Variants in STAC observed in about 807,000 individuals in gnomAD.
The protein encoded by STAC is SH3 and cysteine rich domain, also known as SH3 and cysteine-rich domain-containing protein.
STAC carries 43 observed loss-of-function variants against 48.8 expected under a neutral mutation model. The ratio of observed to expected loss-of-function variants is 0.88; its 90% CI spans 0.69 to 1.14. The LOEUF (loss-of-function observed/expected upper bound fraction) is 1.14. STAC is among the 50% of genes most tolerant of loss of function. The pLI is 0.00. For missense variants in STAC, 497 were observed against 504.0 expected, an observed-to-expected ratio of 0.99 and a Z score of 0.13; for synonymous variants, 193 against 179.5, an observed-to-expected ratio of 1.07 and a Z score of -0.60.
intron 2 of STAC, among the ~76,000 whole-genome samples, chr3:36,460,804 T>A (rs1441820576): frequency 6.6e-6 from 1 of 152,228 alleles, no homozygotes; most frequent in Non-Finnish European, 1.5e-5. Context: ...ATTTACAGAT[T>A]CAATGCAATC....
chr3:36,390,451 CTTT>C (rs59589769), intron 1 of STAC, among the ~76,000 whole-genome samples: 392 of 80,838 alleles, frequency 4.8e-3, no homozygotes, highest in African/African-American at 0.014. Flanking sequence ...TTTTTCTTTT[CTTT>C]TTTTTTTTTT....
At chr3:36,426,540 T>C (rs760272707) in intron 1 of STAC, among the ~76,000 whole-genome samples, 2 of 152,246 alleles carry the variant, frequency 1.3e-5, no homozygotes, top group African/African-American at 4.8e-5. Flanking sequence ...CAAAGTATTC[T>C]GCATATAAAT....
At chr3:36,440,003 A>C (rs1309464671) in intron 1 of STAC, among the ~76,000 whole-genome samples, 1 of 152,224 alleles carries the variant, frequency 6.6e-6, no homozygotes, top group African/African-American at 2.4e-5. Flanking sequence ...GGCAGAGGGA[A>C]AGGGACAAAA....
chr3:36,507,243 A>G (rs980373990), intron 8 of STAC, among the ~76,000 whole-genome samples: 1 of 152,126 alleles, frequency 6.6e-6, no homozygotes, highest in Admixed American at 6.6e-5. Flanking sequence ...TGTATATTGA[A>G]ACAGCCTTGC....
At chr3:36,543,014 G>T (rs978873805) in intron 10 of STAC, among the ~76,000 whole-genome samples, 20 of 152,144 alleles carry the variant, frequency 1.3e-4, no homozygotes, top group African/African-American at 4.8e-4. Context: ...AAACATTTCT[G>T]CTAGGGAGAT....
In STAC at chr3:36,516,402, G is replaced by T. The variant is rs57869177; in HGVS notation, c.920+10568G>T. On this transcript the variant is annotated intron_variant, in intron 8 of 10. Transcript: ENST00000273183. ...GTGAGTGAATACTTTTCTTAGAAGT[G>T]CCATGGACCCATCATTAGTCTCCAA... Among the ~76,000 whole-genome samples the T allele has an allele frequency of 2.5e-3, 384 of 152,166 alleles. 1 individual carries two copies. Among genetic ancestry groups the T allele is most frequent in the African/African-American group, 8.9e-3 (370 of 41,524 alleles).
intron 2 of STAC, among the ~76,000 whole-genome samples, chr3:36,472,767 T>TC (rs1697376204): frequency 6.6e-6 from 1 of 152,230 alleles, no homozygotes; most frequent in Non-Finnish European, 1.5e-5. Flanking sequence ...GATCTTATTA[T>TC]CCATATCGCT....
At chr3:36,476,383 T>C (rs1697494084) in intron 2 of STAC, among the ~76,000 whole-genome samples, 1 of 151,958 alleles carries the variant, frequency 6.6e-6, no homozygotes, top group Admixed American at 6.6e-5. Flanking sequence ...TTAGAGGTGG[T>C]TCATAGAAAG....
intron 1 of STAC, among the ~76,000 whole-genome samples, chr3:36,398,402 G>GAA: frequency 6.0e-5 from 8 of 132,436 alleles, no homozygotes; most frequent in Non-Finnish European, 9.6e-5. Context: ...GAGAGGTAAA[G>GAA]AGAAAGAGAG....
At chr3:36,414,407 C>G (rs893257254) in intron 1 of STAC, among the ~76,000 whole-genome samples, 1 of 152,110 alleles carries the variant, frequency 6.6e-6, no homozygotes, top group African/African-American at 2.4e-5. Context: ...CTTATCTTCT[C>G]GCTTCATTTC....
chr3:36,542,543 T>C (rs1010950482), intron 10 of STAC, among the ~76,000 whole-genome samples: 1 of 152,222 alleles, frequency 6.6e-6, no homozygotes, highest in African/African-American at 2.4e-5. Flanking sequence ...TTTCTGATTC[T>C]AGTCTTATTT....
At chr3:36,459,793 G>T (rs13060288) in intron 2 of STAC, among the ~76,000 whole-genome samples, 18,395 of 152,158 alleles carry the variant, frequency 0.12, 1,310 homozygotes, top group East Asian at 0.31. Context: ...TGATGAAAGA[G>T]GGGGAGAATA....
chr3:36,421,247 A>G (rs866984111), intron 1 of STAC, among the ~76,000 whole-genome samples: 2 of 152,320 alleles, frequency 1.3e-5, no homozygotes, highest in African/African-American at 4.8e-5. Context: ...GATACATTCA[A>G]CTGTTTACAA....
At chr3:36,542,067 G>C (rs1309235402) in intron 10 of STAC, among the ~76,000 whole-genome samples, 1 of 151,910 alleles carries the variant, frequency 6.6e-6, no homozygotes, top group Non-Finnish European at 1.5e-5. Context: ...GGGAAAGGAG[G>C]AAAGTCAAGG....
intron 1 of STAC, among the ~76,000 whole-genome samples, chr3:36,398,673 GAAAGAAAGAAAGAAAGA>G (rs1348171031): frequency 1.5e-4 from 21 of 138,130 alleles, no homozygotes; most frequent in Non-Finnish European, 3.0e-4. Flanking sequence ...AGGAAGGAAG[GAAAGAAAGAAAGAAAGA>G]AAAGAAAGAA....
At chr3:36,521,336 A>C (rs919923685) in intron 8 of STAC, among the ~76,000 whole-genome samples, 1 of 152,144 alleles carries the variant, frequency 6.6e-6, no homozygotes, top group Admixed American at 6.6e-5. Context: ...TATAGATTCA[A>C]ACCTTGCCTG....
chr3:36,403,166 A>T (rs909509799), intron 1 of STAC, among the ~76,000 whole-genome samples: 3 of 152,226 alleles, frequency 2.0e-5, no homozygotes, highest in African/African-American at 7.2e-5. Flanking sequence ...GAAAAATCAG[A>T]TTTCTGTCTA....
intron 5 of STAC, among the ~76,000 whole-genome samples, chr3:36,487,650 A>G (rs1697850150): frequency 6.6e-6 from 1 of 152,204 alleles, no homozygotes; most frequent in South Asian, 2.1e-4. Flanking sequence ...ATTGTTTACC[A>G]TTTTTAAAAA....
chr3:36,523,281 C>T (rs912617091), intron 8 of STAC, among the ~76,000 whole-genome samples: 1 of 152,190 alleles, frequency 6.6e-6, no homozygotes, highest in Non-Finnish European at 1.5e-5. Flanking sequence ...TGCAAATCTT[C>T]CTCTGGGCCT....
Sources: gnomAD v4.1 joint callset for allele counts (sites outside exome capture counted in the v4.1 genomes callset) on GRCh38, gnomAD v4.1.1 for gene constraint, MANE v1.5 for transcripts, NCBI Gene and HGNC (gene_info 2026-07-23, HGNC 2026-07-21) for gene names.